The following XKR9 variants were observed in gnomAD, a reference collection of about 807,000 sequenced individuals.
XKR9 encodes XK related 9, also known as XK-related protein 9.
In XKR9, 32 loss-of-function variants were observed where a neutral mutation model predicts 32.0. The observed-to-expected ratio is 1.00, with a 90% CI of 0.76 to 1.34. The LOEUF (loss-of-function observed/expected upper bound fraction) is 1.34, where lower values mean the gene tolerates loss of function less well. Among genes scored for constraint, XKR9 ranks in the 40% most tolerant of loss-of-function variants. The pLI is 0.00. For synonymous variants in XKR9, 168 were observed against 143.4 expected (o/e 1.17, Z -1.22); for missense variants, 546 against 429.7 (o/e 1.27, Z -2.39).
intron 3 of XKR9, among the ~76,000 whole-genome samples, chr8:70,701,140 G>A (rs1586831866): frequency 1.3e-5 from 2 of 152,266 alleles, no homozygotes; most frequent in Middle Eastern, 3.4e-3. Context: ...TGCACTTCCC[G>A]AGTGAGGCAA....
At chr8:70,890,310 G>T in the XKR9 span, among the ~76,000 whole-genome samples, 1 of 151,804 alleles carries the variant, frequency 6.6e-6, no homozygotes, top group East Asian at 1.9e-4. Context: ...ACTTTCTTTT[G>T]TCTAATTGCT....
At chr8:70,837,481 G>T in the XKR9 span, among the ~76,000 whole-genome samples, 1 of 152,066 alleles carries the variant, frequency 6.6e-6, no homozygotes, top group African/African-American at 2.4e-5. Flanking sequence ...GAAGAGATGG[G>T]ACAGAGTACA....
intron 4 of XKR9, among the ~76,000 whole-genome samples, chr8:70,718,261 T>A (rs1806156642): frequency 6.6e-6 from 1 of 151,986 alleles, no homozygotes; most frequent in Non-Finnish European, 1.5e-5. Context: ...TTTTTGGGTA[T>A]CTTTGTTTAT....
intron 2 of XKR9, among the ~76,000 whole-genome samples, chr8:70,755,661 A>C (rs886738739): frequency 5.3e-5 from 8 of 151,642 alleles, no homozygotes; most frequent in Non-Finnish European, 1.2e-4. Context: ...TCGGAAGGAC[A>C]AAAAACCAAA....
the XKR9 span, among the ~76,000 whole-genome samples, chr8:70,905,472 G>A: frequency 1.3e-5 from 2 of 152,100 alleles, no homozygotes; most frequent in Non-Finnish European, 1.5e-5. Flanking sequence ...AGCTCCATCA[G>A]GTCATTTAAG....
At chr8:70,756,045 T>C (rs958915184) in intron 2 of XKR9, among the ~76,000 whole-genome samples, 1 of 152,190 alleles carries the variant, frequency 6.6e-6, no homozygotes, top group Non-Finnish European at 1.5e-5. Context: ...TGGAGTTGAT[T>C]TGAGTGTGAG....
chr8:70,974,095 T>A, the XKR9 span, among the ~76,000 whole-genome samples: 4 of 152,194 alleles, frequency 2.6e-5, 1 homozygote, highest in South Asian at 8.3e-4. Context: ...TTGCCATCTA[T>A]CTCATCTCTT....
At chr8:70,693,465 A>G (rs1805149572) in intron 3 of XKR9, among the ~76,000 whole-genome samples, 1 of 152,164 alleles carries the variant, frequency 6.6e-6, no homozygotes, top group South Asian at 2.1e-4. Flanking sequence ...CTGAAAGTAT[A>G]GGTTCCTCTC....
At chr8:70,974,514 T>A in the XKR9 span, among the ~76,000 whole-genome samples, 27 of 152,304 alleles carry the variant, frequency 1.8e-4, no homozygotes, top group Non-Finnish European at 3.4e-4. Flanking sequence ...GGCCTGGCGA[T>A]AGTTTGCTTA....
chr8:70,710,392 A>C (rs1372575516), intron 4 of XKR9, among the ~76,000 whole-genome samples: 2 of 152,110 alleles, frequency 1.3e-5, no homozygotes, highest in Non-Finnish European at 2.9e-5. Context: ...CAAAGATCTC[A>C]TGACAAAGAC....
Position 70,734,799 on chromosome 8 carries a change from T to C in XKR9, c.*375T>C, listed in dbSNP as rs1363355427. 1 of 155,894 alleles carries C rather than the reference T, an allele frequency of 6.4e-6. No individual in the cohort carries two copies. Among genetic ancestry groups the C allele is most frequent in the East Asian group, 1.9e-4 (1 of 5,284 alleles). The allele number at this position is 155,894 out of a possible 1,614,324, so 9.7% of individuals were successfully genotyped here. A position where few individuals can be genotyped will look rare whatever the true frequency, so the allele number is the denominator to read the frequency against. On this transcript the variant is annotated 3_prime_UTR_variant, in exon 5 of 5. Transcript: ENST00000408926. ...GGAAGAGAAAAGCAGAACACTGTATTATTTTTTCCTTTATTGTCTTCAGTG... is the reference window on the plus strand; with the variant it reads ...GGAAGAGAAAAGCAGAACACTGTATCATTTTTTCCTTTATTGTCTTCAGTG...
chr8:71,051,439 AT>A, the XKR9 span, among the ~76,000 whole-genome samples: 1 of 152,236 alleles, frequency 6.6e-6, no homozygotes, highest in African/African-American at 2.4e-5. Flanking sequence ...ATATTGAGAT[AT>A]TTTAGGAATT....
the XKR9 span, among the ~76,000 whole-genome samples, chr8:70,985,372 G>A: frequency 1.5e-4 from 23 of 152,262 alleles, no homozygotes; most frequent in South Asian, 4.8e-3. Context: ...AGTATTCCAT[G>A]GTGTATATGT....
chr8:70,966,566 G>A, the XKR9 span, among the ~76,000 whole-genome samples: 13 of 152,194 alleles, frequency 8.5e-5, no homozygotes, highest in Admixed American at 2.0e-4. Context: ...AGTGCCATGT[G>A]GCAATGAGAA....
At chr8:70,777,823 G>C (rs971611506) in intron 2 of XKR9, among the ~76,000 whole-genome samples, 2 of 151,770 alleles carry the variant, frequency 1.3e-5, no homozygotes, top group Non-Finnish European at 2.9e-5. Context: ...TTGTAAATTT[G>C]TTGAAATTCT....
At chr8:70,843,981 A>T in the XKR9 span, among the ~76,000 whole-genome samples, 2 of 152,224 alleles carry the variant, frequency 1.3e-5, no homozygotes, top group Non-Finnish European at 2.9e-5. Flanking sequence ...CGGAAGCATG[A>T]TGCCAGCTGG....
chr8:70,753,559 T>A (rs1436002857), intron 2 of XKR9, among the ~76,000 whole-genome samples: 12 of 152,082 alleles, frequency 7.9e-5, no homozygotes, highest in Non-Finnish European at 1.3e-4. Context: ...TCAAAAAGCT[T>A]ATCCACCATG....
chr8:70,840,039 G>T, the XKR9 span, among the ~76,000 whole-genome samples: 1 of 152,136 alleles, frequency 6.6e-6, no homozygotes, highest in Admixed American at 6.6e-5. Flanking sequence ...TAAAGGTCAT[G>T]CATGGCTACT....
the XKR9 span, among the ~76,000 whole-genome samples, chr8:70,918,163 G>A: frequency 6.6e-6 from 1 of 152,214 alleles, no homozygotes; most frequent in Non-Finnish European, 1.5e-5. Context: ...TGTGGATTTA[G>A]TTGTGGTTTG....
Sources: gnomAD v4.1 joint callset for allele counts (sites outside exome capture counted in the v4.1 genomes callset) on GRCh38, gnomAD v4.1.1 for gene constraint, MANE v1.5 for transcripts, NCBI Gene and HGNC (gene_info 2026-07-23, HGNC 2026-07-21) for gene names.